The following SGIP1 variants were observed in gnomAD, a reference collection of about 807,000 sequenced individuals.
SGIP1 encodes SH3GL interacting endocytic adaptor 1.
SGIP1 carries 38 observed loss-of-function variants against 107.5 expected under a neutral mutation model. That is an observed-to-expected ratio of 0.35 (90% CI 0.27 to 0.46). The LOEUF (loss-of-function observed/expected upper bound fraction) is 0.46. Ranked by LOEUF, SGIP1 falls within the 20% of genes least tolerant of loss-of-function variation. The pLI is 1.00. For missense variants in SGIP1, 929 were observed against 1,019.5 expected (o/e 0.91, Z 1.21); for synonymous variants, 365 against 366.1 (o/e 1.00, Z 0.03).
chr1:66,644,151 T>C (rs2077248802), intron 7 of SGIP1: 1 of 152,302 alleles, frequency 6.6e-6, no homozygotes. Context: ...TGGTTATTTT[T>C]TGTATTGCTA....
intron 1 of SGIP1, among the ~76,000 whole-genome samples, chr1:66,594,814 C>T (rs912100881): frequency 6.6e-6 from 1 of 152,034 alleles, no homozygotes; most frequent in African/African-American, 2.4e-5. Flanking sequence ...AATGATAGGA[C>T]CCAACCTCAC....
At chr1:66,634,061 T>C (rs1294425957) in intron 3 of SGIP1, 1 of 1,586,334 alleles carries the variant, frequency 6.3e-7, no homozygotes, top group South Asian at 1.1e-5. Flanking sequence ...GGTAACACTA[T>C]AATCAAGGCT....
chr1:66,656,131 T>C (rs1474719077), intron 7 of SGIP1, among the ~76,000 whole-genome samples: 1 of 152,158 alleles, frequency 6.6e-6, no homozygotes, highest in Non-Finnish European at 1.5e-5. Flanking sequence ...TTTTAAACTT[T>C]TTAGTTAAAA....
intron 5 of SGIP1, among the ~76,000 whole-genome samples, chr1:66,642,330 G>A (rs1030349172): frequency 2.0e-5 from 3 of 151,994 alleles, no homozygotes; most frequent in African/African-American, 7.2e-5. Context: ...CTCCTACTCT[G>A]CCCTCTCCTG....
intron 1 of SGIP1, among the ~76,000 whole-genome samples, chr1:66,613,480 C>T (rs939496214): frequency 7.5e-4 from 114 of 152,276 alleles, no homozygotes; most frequent in African/African-American, 2.6e-3. Context: ...CAGGCGCATA[C>T]CACTATGCCC....
At chr1:66,644,464 T>C (rs2077311119) in intron 7 of SGIP1, among the ~76,000 whole-genome samples, 1 of 152,176 alleles carries the variant, frequency 6.6e-6, no homozygotes, top group South Asian at 2.1e-4. Flanking sequence ...TTTCTCTGTT[T>C]GATAAATGCC....
chr1:66,675,800 C>T (rs188416815), intron 12 of SGIP1, among the ~76,000 whole-genome samples: 3 of 152,168 alleles, frequency 2.0e-5, no homozygotes, highest in African/African-American at 7.2e-5. Flanking sequence ...TCCCAAAGTG[C>T]TGGAATTACA....
intron 8 of SGIP1, 116 bp from the exon 9 acceptor site, chr1:66,667,414 C>T: frequency 1.1e-6 from 1 of 948,366 alleles, no homozygotes; most frequent in South Asian, 1.3e-5. Flanking sequence ...TGGCCTGATT[C>T]TCTGGAGTGT....
intron 18 of SGIP1, among the ~76,000 whole-genome samples, chr1:66,715,033 G>T (rs531506196): frequency 6.6e-6 from 1 of 152,036 alleles, no homozygotes; most frequent in South Asian, 2.1e-4. Context: ...CAAAATACCT[G>T]GTATTCTTGT....
At chr1:66,634,626 T>C (rs6696812) in intron 3 of SGIP1, among the ~76,000 whole-genome samples, 79,088 of 152,086 alleles carry the variant, frequency 0.52, 21,678 homozygotes, top group African/African-American at 0.7. Context: ...GTGCCCACTT[T>C]GTTACTTAAT....
At chr1:66,586,553 C>A (rs1056450378) in intron 1 of SGIP1, among the ~76,000 whole-genome samples, 1 of 152,124 alleles carries the variant, frequency 6.6e-6, no homozygotes, top group Non-Finnish European at 1.5e-5. Context: ...CCAATGTCTT[C>A]ATTTTACCAA....
intron 1 of SGIP1, among the ~76,000 whole-genome samples, chr1:66,588,638 C>CTTTTTTTTTTTTTTTTTTT (rs35096597): frequency 1.0e-5 from 1 of 98,668 alleles, no homozygotes; most frequent in African/African-American, 3.7e-5. Flanking sequence ...CTAGTTAGTT[C>CTTTTTTTTTTTTTTTTTTT]TTTTTTTTTT....
In SGIP1 at chr1:66,745,152, G is replaced by A. The variant is rs534246320; in HGVS notation, c.*2057G>A. On this transcript the variant is annotated 3_prime_UTR_variant, in exon 25 of 25. Coordinates refer to ENST00000371037, the MANE Select transcript of SGIP1 (RefSeq NM_032291.4). ...TTTTGTATAGATCTAGAATGAATTA[G>A]TAATTAAACACAAGGGTTTTTTTCC... The A allele has an allele frequency of 6.6e-6, 1 of 151,714 alleles. No individual in the cohort carries two copies. The highest frequency in any genetic ancestry group is 1.5e-5 in the Non-Finnish European group (1 of 67,826). The allele number at this position is 151,714 out of a possible 1,614,324, so 9.4% of individuals were successfully genotyped here.
At position 66,708,414 on chromosome 1, in the gene SGIP1, C is replaced by T. The variant is rs141620297; in HGVS notation, c.1631-10880C>T. Among the ~76,000 whole-genome samples, 1,177 of 152,262 alleles carry T rather than the reference C, an allele frequency of 7.7e-3. 19 individuals are homozygous for T. Among genetic ancestry groups the T allele is most frequent in the African/African-American group, 0.027 (1,122 of 41,564 alleles). ...CTATGTGAAAGTGTTTAAAATTTGG[C>T]TGTATGAGTCTTCATACTAAGACAA... On this transcript the variant is annotated intron_variant, in intron 18 of 24. Coordinates refer to ENST00000371037, the MANE Select transcript of SGIP1 (RefSeq NM_032291.4).
chr1:66,552,256 G>C (rs1571213022), intron 1 of SGIP1, among the ~76,000 whole-genome samples: 1 of 152,088 alleles, frequency 6.6e-6, no homozygotes, highest in East Asian at 1.9e-4. Context: ...TGAGTTCTTG[G>C]ACATGCCCAC....
chr1:66,660,474 T>G, intron 7 of SGIP1, 39 bp from the exon 8 acceptor site: 1 of 1,594,688 alleles, frequency 6.3e-7, no homozygotes, highest in Non-Finnish European at 8.6e-7. Context: ...ACCTCTCTCA[T>G]TTTCTCTTTA....
At chr1:66,588,296 A>G (rs2062962348) in intron 1 of SGIP1, among the ~76,000 whole-genome samples, 1 of 152,140 alleles carries the variant, frequency 6.6e-6, no homozygotes. Flanking sequence ...GCTGCTGCCT[A>G]TAGCCCAAGT....
intron 1 of SGIP1, among the ~76,000 whole-genome samples, chr1:66,545,876 T>A (rs1339441327): frequency 6.6e-6 from 1 of 152,152 alleles, no homozygotes; most frequent in African/African-American, 2.4e-5. Flanking sequence ...AGCACATTCT[T>A]ATACCTGCTT....
intron 18 of SGIP1, among the ~76,000 whole-genome samples, chr1:66,701,835 T>G (rs1009756274): frequency 2.6e-5 from 4 of 152,208 alleles, no homozygotes; most frequent in Admixed American, 1.3e-4. Flanking sequence ...GTTTCTGGCC[T>G]GAGGTCTAGG....
Sources: allele counts gnomAD v4.1 joint callset (sites outside exome capture counted in the v4.1 genomes callset), GRCh38; gene constraint gnomAD v4.1.1; transcripts MANE v1.5; gene names NCBI Gene and HGNC (gene_info 2026-07-23, HGNC 2026-07-21).